Variants in HELZ observed in about 807,000 individuals in gnomAD.
The protein encoded by HELZ is helicase with zinc finger.
A neutral mutation model predicts 218.2 loss-of-function variants in HELZ; 23 were observed. The observed-to-expected ratio is 0.11, with a 90% CI of 0.08 to 0.15. The LOEUF (loss-of-function observed/expected upper bound fraction) is 0.15. Among genes scored for constraint, HELZ ranks in the 10% least tolerant of loss-of-function variants. The pLI is 1.00. For synonymous variants in HELZ, 814 were observed against 829.4 expected, an observed-to-expected ratio of 0.98 and a Z score of 0.32; for missense variants, 1,813 against 2,353.7, an observed-to-expected ratio of 0.77 and a Z score of 4.75.
At chr17:67,157,752 C>T (rs2038885122) in intron 17 of HELZ, among the ~76,000 whole-genome samples, 1 of 152,068 alleles carries the variant, frequency 6.6e-6, no homozygotes, top group African/African-American at 2.4e-5. Flanking sequence ...CAAATAACCC[C>T]CAAAATGTTA....
chr17:67,239,294 A>T (rs2041262999), intron 3 of HELZ, 139 bp downstream of exon 3: 1 of 152,280 alleles, frequency 6.6e-6, no homozygotes, highest in Non-Finnish European at 1.5e-5. Flanking sequence ...TTCCAGAAGT[A>T]ACCGATTCCG....
intron 3 of HELZ, among the ~76,000 whole-genome samples, chr17:67,234,713 C>A (rs2041132407): frequency 6.6e-6 from 1 of 151,336 alleles, no homozygotes; most frequent in Admixed American, 6.6e-5. Context: ...AAAAAAAAAA[C>A]TCCCCAAAAC....
intron 13 of HELZ, among the ~76,000 whole-genome samples, chr17:67,171,984 A>G (rs1047245571): frequency 6.6e-6 from 1 of 150,908 alleles, no homozygotes; most frequent in Non-Finnish European, 1.5e-5. Context: ...GGTGCCCACC[A>G]CCACACCAGG....
At chr17:67,202,808 C>A (rs1338727474) in intron 6 of HELZ, among the ~76,000 whole-genome samples, 1 of 152,032 alleles carries the variant, frequency 6.6e-6, no homozygotes, top group Non-Finnish European at 1.5e-5. Flanking sequence ...TCACAAACTA[C>A]AAGAATTAAT....
At chr17:67,225,799 T>C (rs2040873327) in intron 3 of HELZ, among the ~76,000 whole-genome samples, 1 of 152,202 alleles carries the variant, frequency 6.6e-6, no homozygotes, top group Non-Finnish European at 1.5e-5. Flanking sequence ...GTTCTAAAAT[T>C]GATTCATCTT....
chr17:67,081,512 C>T (rs564364509), intron 32 of HELZ, among the ~76,000 whole-genome samples: 1 of 152,176 alleles, frequency 6.6e-6, no homozygotes, highest in African/African-American at 2.4e-5. Context: ...GTCTAAACTG[C>T]ACATTTAGCA....
At chr17:67,189,530 AAAAAACGTTCAG>A (rs2039841006) in intron 11 of HELZ, 47 bp downstream of exon 11, 1 of 1,125,194 alleles carries the variant, frequency 8.9e-7, no homozygotes, top group Non-Finnish European at 1.3e-6. Context: ...TCAAAGGTCA[AAAAAACGTTCAG>A]AAAATTAAAC....
chr17:67,183,000 G>A (rs1419246681), intron 12 of HELZ, among the ~76,000 whole-genome samples: 1 of 152,206 alleles, frequency 6.6e-6, no homozygotes, highest in East Asian at 1.9e-4. Flanking sequence ...GTAAGAGGCA[G>A]GTAATAAATG....
intron 32 of HELZ, among the ~76,000 whole-genome samples, chr17:67,085,187 G>T (rs1227257095): frequency 6.6e-6 from 1 of 152,206 alleles, no homozygotes; most frequent in Non-Finnish European, 1.5e-5. Context: ...GGGAGGCTGA[G>T]GTGGGCAGAT....
intron 28 of HELZ, among the ~76,000 whole-genome samples, chr17:67,113,114 T>TA (rs1182041624): frequency 2.0e-5 from 3 of 152,148 alleles, no homozygotes; most frequent in Non-Finnish European, 2.9e-5. Flanking sequence ...ATTATCTTTT[T>TA]AAAAAAATAT....
intron 12 of HELZ, among the ~76,000 whole-genome samples, chr17:67,184,860 CCATT>C (rs1163125372): frequency 1.4e-5 from 2 of 147,546 alleles, no homozygotes; most frequent in Non-Finnish European, 3.0e-5. Context: ...GAGATATTTC[CCATT>C]CAAATTCCAG....
chr17:67,241,437 A>G (rs943348658), intron 2 of HELZ, among the ~76,000 whole-genome samples: 4 of 152,216 alleles, frequency 2.6e-5, no homozygotes, highest in Non-Finnish European at 5.9e-5. Context: ...TACTGCTTAA[A>G]TAGAGAACAC....
rs762019297 is a variant in HELZ, at chr17:67,145,884, G to A, written c.2628C>T (p.Thr876=). Residue 876 remains threonine (T), a synonymous_variant, in exon 21 of 33, where the codon ACC becomes ACT. Coordinates refer to ENST00000358691, the MANE Select transcript of HELZ (RefSeq NM_014877.4). ...YRSHEAIINY[T]SELFYEGKLM... is the part of the protein sequence containing the mutation. ...GTTTGCCCTCATAGAAAAGCTCAGA[G>A]GTATAACTGCAGTAAAAGACAAAAA... 1 of 1,608,948 alleles carries A rather than the reference G, an allele frequency of 6.2e-7. No homozygotes were observed.
chr17:67,116,323 G>C (rs770658923), intron 27 of HELZ, among the ~76,000 whole-genome samples: 6 of 151,996 alleles, frequency 3.9e-5, no homozygotes, highest in Non-Finnish European at 8.8e-5. Flanking sequence ...AAACTTAACT[G>C]TATCAACAAT....
At chr17:67,156,573 T>C (rs1005121787) in intron 17 of HELZ, among the ~76,000 whole-genome samples, 4 of 152,144 alleles carry the variant, frequency 2.6e-5, no homozygotes, top group African/African-American at 9.7e-5. Context: ...GCGAGTTACC[T>C]GACTTGGCAG....
intron 15 of HELZ, 55 bp from the exon 16 acceptor site, chr17:67,161,131 A>G (rs1260628073): frequency 6.1e-6 from 8 of 1,312,116 alleles, no homozygotes; most frequent in Admixed American, 2.1e-5. Context: ...TAAATAGAAC[A>G]TAACACACGA....
rs1034826626 is a variant in HELZ at position 67,218,583 on chromosome 17, G to A, written c.210+12C>T. 3.2e-6 allele frequency: 5 copies of A among 1,586,284 alleles called. No homozygotes were observed. The highest frequency in any genetic ancestry group is 4.3e-6 in the Non-Finnish European group (5 of 1,154,686). ...ATAGTTCAGCATTGGCTTATTGACA[G>A]TGTTTACTCACCAGTTGCAAAAATG... is the stretch of plus-strand genomic sequence containing the variant. On this transcript the variant is annotated intron_variant, in intron 4 of 32. Transcript: ENST00000358691.
chr17:67,224,796 G>T (rs776391918), intron 3 of HELZ: 1 of 1,176,566 alleles, frequency 8.5e-7, no homozygotes. Flanking sequence ...CCCACAAAAC[G>T]ACACAGTACA....
intron 31 of HELZ, among the ~76,000 whole-genome samples, chr17:67,087,433 T>C (rs866744883): frequency 2.8e-4 from 43 of 152,236 alleles, no homozygotes; most frequent in African/African-American, 5.5e-4. Context: ...TTTTAGATAA[T>C]AGTAGATTAA....
Sources: allele counts gnomAD v4.1 joint callset (sites outside exome capture counted in the v4.1 genomes callset), GRCh38; gene constraint gnomAD v4.1.1; transcripts MANE v1.5; gene names NCBI Gene and HGNC (gene_info 2026-07-23, HGNC 2026-07-21).